Variants in ARHGAP26 observed in about 807,000 individuals in gnomAD.
The protein encoded by ARHGAP26 is Rho GTPase activating protein 26.
In ARHGAP26, 38 loss-of-function variants were observed where a neutral mutation model predicts 104.8. The ratio of observed to expected loss-of-function variants is 0.36; its 90% confidence interval spans 0.28 to 0.48. The LOEUF is 0.48. Among genes scored for constraint, ARHGAP26 ranks in the 20% least tolerant of loss-of-function variants. The probability of loss-of-function intolerance (pLI) is 0.99; values close to 1 mark genes in which losing one functional copy is unlikely to be tolerated. For synonymous variants in ARHGAP26, 341 were observed against 340.0 expected (o/e 1.00, Z -0.03); for missense variants, 704 against 947.9 (o/e 0.74, Z 3.38).
Position 142,770,708 on chromosome 5 carries a change from G to T in ARHGAP26, c.-54G>T, listed in dbSNP as rs1755022599. ...CCGCCGCGTGAGTGCTCTGGGCGGC[G>T]GGCGGCCCGGGCCCCGGCGGAGGCG... On this transcript the variant is annotated 5_prime_UTR_variant, in exon 1 of 23. Coordinates refer to ENST00000645722, the MANE Select transcript of ARHGAP26 (RefSeq NM_001135608.3). The T allele has an allele frequency of 1.8e-6, 2 of 1,112,060 alleles. No individual in the cohort carries two copies. The highest frequency in any genetic ancestry group is 1.7e-5 in the African/African-American group (1 of 59,730). 68.9% of individuals were successfully genotyped at this position (1,112,060 alleles called of 1,614,324 possible).
chr5:142,808,942 C>T (rs896685482), intron 1 of ARHGAP26, among the ~76,000 whole-genome samples: 2 of 152,212 alleles, frequency 1.3e-5, no homozygotes, highest in Admixed American at 1.3e-4. Flanking sequence ...AGCTTGTGTC[C>T]TTGTCCTTTC....
At chr5:143,110,263 A>G (rs1001493516) in intron 17 of ARHGAP26, among the ~76,000 whole-genome samples, 1 of 152,220 alleles carries the variant, frequency 6.6e-6, no homozygotes, top group Non-Finnish European at 1.5e-5. Flanking sequence ...AAGCTTCTCT[A>G]AGGCAGGAAA....
At chr5:142,980,688 C>T (rs1407900786) in intron 11 of ARHGAP26, among the ~76,000 whole-genome samples, 1 of 152,154 alleles carries the variant, frequency 6.6e-6, no homozygotes, top group Non-Finnish European at 1.5e-5. Context: ...CTCACCCTGT[C>T]TGGAATGTTC....
chr5:143,096,057 TA>T (rs1467523802), intron 17 of ARHGAP26, among the ~76,000 whole-genome samples: 1 of 152,166 alleles, frequency 6.6e-6, no homozygotes, highest in African/African-American at 2.4e-5. Context: ...TGTGAAAAAA[TA>T]AAATCATGTT....
At chr5:142,778,249 G>A (rs1756752450) in intron 1 of ARHGAP26, among the ~76,000 whole-genome samples, 1 of 152,134 alleles carries the variant, frequency 6.6e-6, no homozygotes, top group Non-Finnish European at 1.5e-5. Context: ...AGGTTTAGGG[G>A]TAAAATTAAC....
intron 1 of ARHGAP26, among the ~76,000 whole-genome samples, chr5:142,846,013 T>C (rs974701839): frequency 6.6e-6 from 1 of 152,214 alleles, no homozygotes; most frequent in African/African-American, 2.4e-5. Flanking sequence ...TTTGTTGTTA[T>C]GGTCAAAGAG....
chr5:143,072,672 C>T (rs1788444416), intron 17 of ARHGAP26, among the ~76,000 whole-genome samples: 1 of 152,074 alleles, frequency 6.6e-6, no homozygotes, highest in Non-Finnish European at 1.5e-5. Flanking sequence ...TATTCTCACT[C>T]ATGTGGAAAC....
At chr5:143,028,893 G>C (rs1781454542) in intron 12 of ARHGAP26, among the ~76,000 whole-genome samples, 1 of 152,124 alleles carries the variant, frequency 6.6e-6, no homozygotes. Flanking sequence ...GTGCATGGGG[G>C]TCCCTGGAGT....
chr5:143,119,077 G>A (rs1019539908), intron 17 of ARHGAP26, among the ~76,000 whole-genome samples: 2 of 152,138 alleles, frequency 1.3e-5, no homozygotes, highest in African/African-American at 4.8e-5. Context: ...TTCTCCCCAG[G>A]GGAGGTGTGA....
Position 143,207,180 on chromosome 5 carries a change from GGTT to G in ARHGAP26, c.1989-14_1989-12del. Reference sequence around the variant, plus strand: ...TTCCCTGTGTGCTGACAAGTTTTCTGGTTGTTATGTCTTGCAGCCCCCCGAATC... The same window carrying G: ...TTCCCTGTGTGCTGACAAGTTTTCTGGTTATGTCTTGCAGCCCCCCGAATC... On this transcript the variant is annotated splice_polypyrimidine_tract_variant and intron_variant, in intron 20 of 22. Coordinates refer to ENST00000645722, the MANE Select transcript of ARHGAP26 (RefSeq NM_001135608.3). 3 of 1,609,342 alleles carry G rather than the reference GGTT, an allele frequency of 1.9e-6. No individual in the cohort carries two copies. The South Asian group carries it at 3.3e-5, about 18-fold the overall frequency.
chr5:142,792,796 G>C (rs1168277036), intron 1 of ARHGAP26, among the ~76,000 whole-genome samples: 1 of 152,172 alleles, frequency 6.6e-6, no homozygotes, highest in African/African-American at 2.4e-5. Flanking sequence ...GTGTTTCCCT[G>C]ATGTGCCCTA....
intron 14 of ARHGAP26, among the ~76,000 whole-genome samples, 177 bp from the exon 15 acceptor site, chr5:143,054,262 C>G (rs1785463787): frequency 6.6e-6 from 1 of 152,170 alleles, no homozygotes; most frequent in Non-Finnish European, 1.5e-5. Flanking sequence ...TTCTTGCCAG[C>G]AAGAGATATT....
chr5:143,166,673 C>T (rs1310883076), intron 20 of ARHGAP26, among the ~76,000 whole-genome samples: 1 of 152,208 alleles, frequency 6.6e-6, no homozygotes, highest in East Asian at 1.9e-4. Context: ...TCTCTGCCAT[C>T]CAGCCCTGAG....
intron 12 of ARHGAP26, among the ~76,000 whole-genome samples, chr5:143,030,997 G>A (rs1450153086): frequency 6.6e-6 from 1 of 152,246 alleles, no homozygotes; most frequent in Non-Finnish European, 1.5e-5. Context: ...CACAATGGGG[G>A]CTTTAACCTA....
chr5:143,212,478 G>T (rs1392288287), intron 21 of ARHGAP26, among the ~76,000 whole-genome samples: 1 of 152,010 alleles, frequency 6.6e-6, no homozygotes, highest in Admixed American at 6.5e-5. Flanking sequence ...CCCTTGTCCT[G>T]AACTTTATTC....
intron 11 of ARHGAP26, among the ~76,000 whole-genome samples, chr5:142,972,180 T>TAA (rs55877614): frequency 7.0e-6 from 1 of 142,520 alleles, no homozygotes; most frequent in Admixed American, 7.0e-5. Flanking sequence ...AGATTCCATC[T>TAA]AAAAAAAAAA....
intron 17 of ARHGAP26, among the ~76,000 whole-genome samples, chr5:143,102,388 A>C (rs1793373391): frequency 6.6e-6 from 1 of 152,196 alleles, no homozygotes. Context: ...TAAAGACCTC[A>C]GTGTCGGCCC....
intron 10 of ARHGAP26, among the ~76,000 whole-genome samples, chr5:142,931,697 C>T (rs944225620): frequency 2.6e-5 from 4 of 152,066 alleles, no homozygotes; most frequent in Admixed American, 6.5e-5. Context: ...GCATTTCTAC[C>T]GTGAGTAAAA....
At chr5:143,213,808 T>G (rs1288717719) in intron 21 of ARHGAP26, among the ~76,000 whole-genome samples, 189 bp from the exon 22 acceptor site, 1 of 152,178 alleles carries the variant, frequency 6.6e-6, no homozygotes, top group African/African-American at 2.4e-5. Flanking sequence ...TCTCTGAATA[T>G]TTCTCATTTT....
Sources: allele counts gnomAD v4.1 joint callset (sites outside exome capture counted in the v4.1 genomes callset), GRCh38; gene constraint gnomAD v4.1.1; transcripts MANE v1.5; gene names NCBI Gene and HGNC (gene_info 2026-07-23, HGNC 2026-07-21).